The following ANKS1B variants were observed in gnomAD, a reference collection of about 807,000 sequenced individuals.
ANKS1B encodes the protein ankyrin repeat and sterile alpha motif domain containing 1B, also known as ankyrin repeat and sterile alpha motif domain-containing protein 1B.
A neutral mutation model predicts 148.3 loss-of-function variants in ANKS1B; 36 were observed. The ratio of observed to expected loss-of-function variants is 0.24; its 90% confidence interval spans 0.19 to 0.32. ANKS1B has a LOEUF of 0.32. Among genes scored for constraint, ANKS1B ranks in the 10% least tolerant of loss-of-function variants. The pLI, the probability that ANKS1B is intolerant of heterozygous loss-of-function variation, is 1.00. For missense variants in ANKS1B, 1,157 were observed against 1,542.6 expected (o/e 0.75, Z 4.19); for synonymous variants, 542 against 560.8 (o/e 0.97, Z 0.47).
chr12:99,559,500 G>A (rs750864101), intron 9 of ANKS1B, among the ~76,000 whole-genome samples: 1 of 152,106 alleles, frequency 6.6e-6, no homozygotes, highest in Non-Finnish European at 1.5e-5. Flanking sequence ...TGATCACATA[G>A]AATTAATATT....
chr12:99,470,318 G>A (rs2096219702), intron 10 of ANKS1B, among the ~76,000 whole-genome samples: 1 of 151,928 alleles, frequency 6.6e-6, no homozygotes, highest in South Asian at 2.1e-4. Context: ...TACAATCACT[G>A]GTCTCAGAAG....
chr12:99,128,351 AGTATT>A (rs1367791397), intron 15 of ANKS1B, among the ~76,000 whole-genome samples: 3 of 152,228 alleles, frequency 2.0e-5, no homozygotes, highest in African/African-American at 7.2e-5. Context: ...ATGAAAAGAC[AGTATT>A]GCTAGTGTCC....
intron 1 of ANKS1B, among the ~76,000 whole-genome samples, chr12:99,867,980 G>GATAATAAATAGATCAA (rs1172355052): frequency 3.3e-4 from 50 of 152,220 alleles, no homozygotes; most frequent in African/African-American, 8.9e-4. Context: ...TGATCAAGCT[G>GATAATAAATAGATCAA]GGTCTATTCT....
At chr12:99,641,860 T>C (rs1427928832) in intron 9 of ANKS1B, among the ~76,000 whole-genome samples, 3 of 149,102 alleles carry the variant, frequency 2.0e-5, no homozygotes, top group African/African-American at 7.8e-5. Context: ...ATTCCGTCTA[T>C]TTTTTTAATT....
intron 9 of ANKS1B, among the ~76,000 whole-genome samples, chr12:99,570,008 T>C (rs966131411): frequency 2.0e-5 from 3 of 152,110 alleles, no homozygotes; most frequent in Admixed American, 2.0e-4. Flanking sequence ...GCCCTTACCA[T>C]CACCAACCAC....
Position 99,586,618 on chromosome 12 carries a change from C to A in ANKS1B, c.1272+68449G>T, listed in dbSNP as rs1205209686. 2.0e-5 allele frequency among the ~76,000 whole-genome samples: 3 copies of A among 152,222 alleles called. No individual in the cohort carries two copies. The East Asian group carries it at 5.8e-4, about 29-fold the overall frequency. ...CGGCAGCATCTCACTCTACTGGTAC[C>A]AATTTACTGTATTAGTCTGTTCTCA... On this transcript the variant is annotated intron_variant, in intron 9 of 26. Transcript: ENST00000683438.
intron 9 of ANKS1B, among the ~76,000 whole-genome samples, chr12:99,522,849 A>T (rs2096888583): frequency 6.6e-6 from 1 of 152,204 alleles, no homozygotes; most frequent in African/African-American, 2.4e-5. Context: ...ATCTGGCTTC[A>T]CAATTTCATA....
chr12:99,435,263 T>C (rs886572001), intron 11 of ANKS1B, among the ~76,000 whole-genome samples: 16 of 151,950 alleles, frequency 1.1e-4, no homozygotes, highest in African/African-American at 3.9e-4. Flanking sequence ...TCCTCCCATA[T>C]CCCAAATTCC....
At chr12:99,298,345 T>G (rs896119261) in intron 12 of ANKS1B, among the ~76,000 whole-genome samples, 2 of 152,184 alleles carry the variant, frequency 1.3e-5, no homozygotes, top group African/African-American at 4.8e-5. Flanking sequence ...ACTGTTCTCA[T>G]AGTAGTGAAC....
intron 8 of ANKS1B, among the ~76,000 whole-genome samples, chr12:99,667,686 T>G (rs549093693): frequency 6.6e-6 from 1 of 152,224 alleles, no homozygotes; most frequent in Admixed American, 6.5e-5. Context: ...TAATGTTAGT[T>G]AGCTGTGGCA....
intron 11 of ANKS1B, among the ~76,000 whole-genome samples, chr12:99,420,754 TG>T (rs1645313018): frequency 6.6e-6 from 1 of 152,200 alleles, no homozygotes; most frequent in South Asian, 2.1e-4. Context: ...AGAATTGTTA[TG>T]ATTTGTATGT....
intron 15 of ANKS1B, among the ~76,000 whole-genome samples, chr12:99,090,944 T>C (rs776996614): frequency 1.3e-5 from 2 of 152,118 alleles, no homozygotes; most frequent in African/African-American, 4.8e-5. Context: ...ATTAATGAAA[T>C]GGCAGTGGAA....
chr12:98,772,575 C>T lies in ANKS1B; in HGVS notation c.3579+467G>A, dbSNP rs544023715. Among the ~76,000 whole-genome samples, 6 of 152,270 alleles carry T rather than the reference C, an allele frequency of 3.9e-5. No homozygotes were observed. The South Asian group carries it at 1.0e-3, about 26-fold the overall frequency. On this transcript the variant is annotated intron_variant, in intron 25 of 26. Transcript: ENST00000683438. ...AAGAGAGAGCTTGTGCAGGGGAACTCCCATTTATAAAACCATCAGATCTTG... is the reference window on the plus strand; with the variant it reads ...AAGAGAGAGCTTGTGCAGGGGAACTTCCATTTATAAAACCATCAGATCTTG...
intron 17 of ANKS1B, among the ~76,000 whole-genome samples, chr12:98,843,426 A>C (rs1321401789): frequency 6.6e-6 from 1 of 152,206 alleles, no homozygotes; most frequent in Non-Finnish European, 1.5e-5. Flanking sequence ...TTGTGATACA[A>C]CACCAGAAAT....
chr12:99,209,371 A>C (rs185408933), intron 14 of ANKS1B, among the ~76,000 whole-genome samples: 2 of 152,308 alleles, frequency 1.3e-5, no homozygotes, highest in Admixed American at 1.3e-4. Context: ...GCTTTAGAAG[A>C]AAAACTGTAG....
chr12:99,624,690 C>T (rs1567504900), intron 9 of ANKS1B, among the ~76,000 whole-genome samples: 1 of 152,042 alleles, frequency 6.6e-6, no homozygotes, highest in East Asian at 1.9e-4. Flanking sequence ...AAATCAAAAC[C>T]ACAATAAAAT....
intron 9 of ANKS1B, among the ~76,000 whole-genome samples, chr12:99,652,801 T>A (rs1240371084): frequency 6.6e-6 from 1 of 151,660 alleles, no homozygotes; most frequent in Non-Finnish European, 1.5e-5. Context: ...AACAAAAGGA[T>A]AAAAACGAGA....
At chr12:98,845,463 AT>A (rs2153736140) in intron 17 of ANKS1B, among the ~76,000 whole-genome samples, 1 of 152,320 alleles carries the variant, frequency 6.6e-6, no homozygotes, top group East Asian at 1.9e-4. Context: ...GACTCATTAA[AT>A]GTAAGGCTGG....
intron 15 of ANKS1B, among the ~76,000 whole-genome samples, chr12:99,137,621 T>TA (rs1370819957): frequency 6.6e-6 from 1 of 152,204 alleles, no homozygotes; most frequent in Admixed American, 6.5e-5. Context: ...CCCTGTTTGG[T>TA]AAAAACCTCC....
Sources: gnomAD v4.1 joint callset for allele counts (sites outside exome capture counted in the v4.1 genomes callset) on GRCh38, gnomAD v4.1.1 for gene constraint, MANE v1.5 for transcripts, NCBI Gene and HGNC (gene_info 2026-07-23, HGNC 2026-07-21) for gene names.